The following PDE9A variants were observed in gnomAD, a reference collection of about 807,000 sequenced individuals.
The protein encoded by PDE9A is high affinity cGMP-specific 3',5'-cyclic phosphodiesterase 9A.
In PDE9A, 60 loss-of-function variants were observed where a neutral mutation model predicts 87.4. The observed-to-expected ratio is 0.69, with a 90% CI of 0.56 to 0.85. PDE9A has a LOEUF of 0.85. PDE9A is among the 40% of genes least tolerant of loss of function. PDE9A has a pLI of 0.00. For missense variants in PDE9A, 665 were observed against 779.0 expected, an observed-to-expected ratio of 0.85 and a Z score of 1.74; for synonymous variants, 272 against 279.4, an observed-to-expected ratio of 0.97 and a Z score of 0.27.
intron 15 of PDE9A, chr21:42,765,749 A>C: frequency 2.1e-6 from 1 of 467,554 alleles, no homozygotes; most frequent in South Asian, 2.1e-5. Flanking sequence ...GAAGGAGATA[A>C]GTGGGTGAAG....
At chr21:42,734,894 G>C (rs559729444) in intron 7 of PDE9A, among the ~76,000 whole-genome samples, 1 of 152,312 alleles carries the variant, frequency 6.6e-6, no homozygotes, top group South Asian at 2.1e-4. Flanking sequence ...CCGGGCTGCT[G>C]TCACGGCCTG....
At chr21:42,724,899 G>A (rs1363600411) in intron 4 of PDE9A, among the ~76,000 whole-genome samples, 2 of 152,174 alleles carry the variant, frequency 1.3e-5, no homozygotes, top group Non-Finnish European at 2.9e-5. Context: ...TGCTCAAAGG[G>A]TTCCATCTCC....
In PDE9A at chr21:42,765,488, G is replaced by T; in HGVS notation, c.1350G>T (p.Met450Ile). 2 of 1,590,396 alleles carry T rather than the reference G, an allele frequency of 1.3e-6. No individual in the cohort carries two copies. Among genetic ancestry groups the T allele is most frequent in the South Asian group, 2.2e-5 (2 of 90,340 alleles). ...ENFDYSNEEHMTLLKMILIKC... is the reference protein window; with the variant it reads ...ENFDYSNEEHITLLKMILIKC... The stretch of plus-strand genomic sequence containing the variant: ...TTGACTACAGCAACGAGGAGCACAT[G>T]ACCCTGGTGAGTGGCTTATTCTGCC... The change falls in exon 15 of 20, where the codon ATG becomes ATT. Residue 450 changes from methionine to isoleucine, a missense_variant. By Grantham distance (10) the Met-to-Ile change is conservative (BLOSUM62 1). Coordinates refer to ENST00000291539, the MANE Select transcript of PDE9A (RefSeq NM_002606.3).
intron 4 of PDE9A, among the ~76,000 whole-genome samples, chr21:42,708,045 G>A (rs1192737394): frequency 2.6e-5 from 4 of 152,146 alleles, no homozygotes; most frequent in African/African-American, 9.7e-5. Context: ...AGTTAATGCT[G>A]GATGTCTGCG....
intron 3 of PDE9A, among the ~76,000 whole-genome samples, chr21:42,690,900 C>G (rs2059789368): frequency 6.6e-6 from 1 of 152,178 alleles, no homozygotes; most frequent in African/African-American, 2.4e-5. Context: ...GCCAGCCCAG[C>G]CACCTGCCTT....
rs1251703832 is a variant in PDE9A at position 42,722,527 on chromosome 21, A to G, written c.263-9243A>G. Among the ~76,000 whole-genome samples, 3 of 151,662 alleles carry G rather than the reference A, an allele frequency of 2.0e-5. No homozygotes were observed. Among genetic ancestry groups the G allele is most frequent in the African/African-American group, 4.9e-5 (2 of 41,210 alleles). ...GCCCTTGTGATGTATTATTCCCTCT[A>G]CTCTTGCAGGTCGGTGCTTGGGATG... On this transcript the variant is annotated intron_variant, in intron 4 of 19. Transcript: ENST00000291539. This position sits in a 1 kb window ranked among gnomAD's most constrained non-coding sequence, Gnocchi z 4.1.
At chr21:42,766,952 G>A (rs1198875559) in intron 15 of PDE9A, among the ~76,000 whole-genome samples, 1 of 152,098 alleles carries the variant, frequency 6.6e-6, no homozygotes, top group Non-Finnish European at 1.5e-5. Context: ...CCAGCTGAAG[G>A]TCCCCACTCC....
intron 4 of PDE9A, among the ~76,000 whole-genome samples, chr21:42,709,888 G>C (rs192973836): frequency 6.6e-6 from 1 of 152,162 alleles, no homozygotes; most frequent in Non-Finnish European, 1.5e-5. Context: ...AGATCCATTC[G>C]TGCAGTTATT....
chr21:42,662,549 T>C (rs1322787847), intron 1 of PDE9A, among the ~76,000 whole-genome samples: 1 of 106,936 alleles, frequency 9.4e-6, no homozygotes, highest in African/African-American at 3.7e-5. Flanking sequence ...GTACACACCA[T>C]GCACATCACA....
chr21:42,763,035 C>T (rs1351515857), intron 14 of PDE9A, among the ~76,000 whole-genome samples: 1 of 152,056 alleles, frequency 6.6e-6, no homozygotes, highest in African/African-American at 2.4e-5. Context: ...CCTCTCAGGG[C>T]GTGATGGGAG....
In PDE9A at chr21:42,722,988, C is replaced by T. The variant is rs866698722; in HGVS notation, c.263-8782C>T. Among the ~76,000 whole-genome samples the T allele has an allele frequency of 2.9e-4, 44 of 152,332 alleles. No homozygotes were observed. Among genetic ancestry groups the T allele is most frequent in the African/African-American group, 8.4e-4 (35 of 41,592 alleles). On this transcript the variant is annotated intron_variant, in intron 4 of 19. Transcript: ENST00000291539. This position sits in a 1 kb window ranked among gnomAD's most constrained non-coding sequence, Gnocchi z 4.1. ...GAGTCAGGCAATGGCTTCTGGGCAT[C>T]GTGTGGGGTGGGGGCAGCCCCTGCC...
At position 42,735,611 on chromosome 21, in the gene PDE9A, C is replaced by T. The variant is rs141067316; in HGVS notation, c.568+2185C>T. Among the ~76,000 whole-genome samples the T allele has an allele frequency of 7.2e-3, 1,100 of 152,324 alleles. 13 individuals carry two copies. The highest frequency in any genetic ancestry group is 0.012 in the Non-Finnish European group (822 of 68,042). ...TTGGAAGGCTACATTGCTATAATCTCTGCCTGTGTCTACACGTGATGACAT... is the reference window on the plus strand; with the variant it reads ...TTGGAAGGCTACATTGCTATAATCTTTGCCTGTGTCTACACGTGATGACAT... On this transcript the variant is annotated intron_variant, in intron 7 of 19. Coordinates refer to ENST00000291539, the MANE Select transcript of PDE9A (RefSeq NM_002606.3).
At chr21:42,756,322 G>C (rs2055034459) in intron 10 of PDE9A, among the ~76,000 whole-genome samples, 1 of 152,184 alleles carries the variant, frequency 6.6e-6, no homozygotes, top group African/African-American at 2.4e-5. Context: ...ACAACTAAAG[G>C]GACACACATG....
In PDE9A at chr21:42,751,152, C is replaced by T; in HGVS notation, c.690C>T (p.Asn230=). ...NCPCKYSFLD[N]HKKLTPRRDV... ...CCTGTAAGTACAGTTTTTTGGATAA[C>T]CACAAGAAGTTGACTCCTCGACGCG... is the stretch of plus-strand genomic sequence containing the variant. Residue 230 remains asparagine, a synonymous_variant, in exon 9 of 20, where the codon AAC becomes AAT. Coordinates refer to ENST00000291539, the MANE Select transcript of PDE9A (RefSeq NM_002606.3). 1 of 1,613,146 alleles carries T rather than the reference C, an allele frequency of 6.2e-7. No homozygotes were observed. Among genetic ancestry groups the T allele is most frequent in the Non-Finnish European group, 8.5e-7 (1 of 1,179,116 alleles).
chr21:42,661,328 CTT>C (rs538086640), intron 1 of PDE9A, among the ~76,000 whole-genome samples: 22 of 142,184 alleles, frequency 1.5e-4, no homozygotes, highest in African/African-American at 4.5e-4. Context: ...CACGCCCAGC[CTT>C]TTTTTTTTTT....
At chr21:42,738,452 T>TGGG (rs1366293685) in intron 7 of PDE9A, among the ~76,000 whole-genome samples, 1 of 152,178 alleles carries the variant, frequency 6.6e-6, no homozygotes, top group Non-Finnish European at 1.5e-5. Flanking sequence ...ACAGTGAGGC[T>TGGG]GGGGAAGGAG....
chr21:42,670,186 TAC>T (rs1156716983), intron 1 of PDE9A, among the ~76,000 whole-genome samples: 14 of 138,002 alleles, frequency 1.0e-4, no homozygotes, highest in African/African-American at 3.3e-4. Context: ...CACATACACT[TAC>T]ACACATTCAC....
At chr21:42,671,646 G>T (rs1205938982) in intron 1 of PDE9A, among the ~76,000 whole-genome samples, 1 of 152,228 alleles carries the variant, frequency 6.6e-6, no homozygotes, top group Middle Eastern at 3.2e-3. Context: ...ATGGACAGAT[G>T]ATTGATATAG....
At chr21:42,684,470 C>T (rs1427357587) in intron 1 of PDE9A, among the ~76,000 whole-genome samples, 1 of 152,228 alleles carries the variant, frequency 6.6e-6, no homozygotes, top group Non-Finnish European at 1.5e-5. Context: ...GTGACTAGGG[C>T]TGAGGATGGT....
Sources: allele counts gnomAD v4.1 joint callset (sites outside exome capture counted in the v4.1 genomes callset), GRCh38; gene constraint gnomAD v4.1.1; non-coding constraint Gnocchi (gnomAD v3.1); transcripts MANE v1.5; gene names NCBI Gene and HGNC (gene_info 2026-07-23, HGNC 2026-07-21).